The following RBFOX1 variants were observed in gnomAD, a reference collection of about 807,000 sequenced individuals.
The protein encoded by RBFOX1 is RNA binding fox-1 homolog 1.
In RBFOX1, 8 loss-of-function variants were observed where a neutral mutation model predicts 57.7. The observed-to-expected ratio is 0.14, with a 90% CI of 0.08 to 0.25. The LOEUF (loss-of-function observed/expected upper bound fraction) is 0.25. RBFOX1 is among the 10% of genes least tolerant of loss of function. The pLI, the probability that RBFOX1 is intolerant of heterozygous loss-of-function variation, is 1.00. For missense variants in RBFOX1, 611 were observed against 548.5 expected (o/e 1.11, Z -1.14); for synonymous variants, 326 against 222.4 (o/e 1.47, Z -4.15).
chr16:6,228,919 A>T (rs1423494498), intron 1 of RBFOX1, among the ~76,000 whole-genome samples: 1 of 152,020 alleles, frequency 6.6e-6, no homozygotes, highest in Non-Finnish European at 1.5e-5. Flanking sequence ...ATATAATTTT[A>T]TTTGTCAATT....
intron 4 of RBFOX1, among the ~76,000 whole-genome samples, chr16:7,058,872 C>G (rs1218046532): frequency 6.6e-6 from 1 of 152,056 alleles, no homozygotes; most frequent in Non-Finnish European, 1.5e-5. Flanking sequence ...TAAATATTAA[C>G]TTCATAATGT....
At chr16:7,425,980 T>G (rs2098606778) in intron 4 of RBFOX1, among the ~76,000 whole-genome samples, 1 of 152,242 alleles carries the variant, frequency 6.6e-6, no homozygotes, top group Non-Finnish European at 1.5e-5. Flanking sequence ...ATCAATTGTT[T>G]ATACACATTG....
chr16:7,225,806 T>A (rs2093062670), intron 4 of RBFOX1, among the ~76,000 whole-genome samples: 1 of 146,716 alleles, frequency 6.8e-6, no homozygotes, highest in South Asian at 2.3e-4. Flanking sequence ...CTAATGTAAA[T>A]GACGAGTTAA....
intron 2 of RBFOX1, among the ~76,000 whole-genome samples, chr16:6,547,099 C>G (rs1307533143): frequency 1.3e-5 from 2 of 152,244 alleles, no homozygotes; most frequent in African/African-American, 4.8e-5. Context: ...CTGCCCAACT[C>G]TATTGCATTG....
At chr16:6,565,102 G>C (rs1485163182) in intron 2 of RBFOX1, among the ~76,000 whole-genome samples, 4 of 140,166 alleles carry the variant, frequency 2.9e-5, no homozygotes, top group African/African-American at 1.1e-4. Flanking sequence ...CTGCACTCCA[G>C]CCTGGGTGGG....
intron 4 of RBFOX1, among the ~76,000 whole-genome samples, chr16:5,995,167 A>C (rs1246732338): frequency 6.6e-6 from 1 of 152,254 alleles, no homozygotes. Context: ...CTTTCCACAT[A>C]ATTAAATATT....
intron 1 of RBFOX1, among the ~76,000 whole-genome samples, chr16:6,103,764 T>G (rs1384072295): frequency 6.6e-6 from 1 of 152,176 alleles, no homozygotes; most frequent in Non-Finnish European, 1.5e-5. Context: ...GAACCAGTCA[T>G]GTGACCTCCA....
intron 10 of RBFOX1, among the ~76,000 whole-genome samples, chr16:7,609,132 T>C (rs1223052300): frequency 1.3e-5 from 2 of 152,180 alleles, no homozygotes; most frequent in East Asian, 1.9e-4. Context: ...TGCCCATGAA[T>C]GGAGTAGTTA....
chr16:6,060,983 C>T (rs536821815), intron 1 of RBFOX1, among the ~76,000 whole-genome samples: 1 of 152,336 alleles, frequency 6.6e-6, no homozygotes, highest in Non-Finnish European at 1.5e-5. Flanking sequence ...TGATTACAAT[C>T]CATGCATTCA....
intron 3 of RBFOX1, among the ~76,000 whole-genome samples, chr16:6,716,373 G>A (rs1308811470): frequency 1.3e-5 from 2 of 152,072 alleles, no homozygotes; most frequent in Non-Finnish European, 2.9e-5. Context: ...CTGAATATAG[G>A]TATCTAACTG....
rs183087204 is a variant in RBFOX1, at chr16:6,448,608, C to G, written c.-64+131551C>G. Among the ~76,000 whole-genome samples the G allele has an allele frequency of 1.5e-4, 23 of 152,314 alleles. No homozygotes were observed. In the East Asian group the frequency reaches 4.2e-3, roughly 28 times the overall value. On this transcript the variant is annotated intron_variant, in intron 2 of 15. Coordinates refer to ENST00000550418, the MANE Select transcript of RBFOX1 (RefSeq NM_018723.4). ...TGCAGTTGTGACAACCAAAAAATCT[C>G]TAGATGTTTCTTTTTCCCCCTAAAT...
chr16:6,106,380 T>C (rs62014016), intron 1 of RBFOX1, among the ~76,000 whole-genome samples: 108,032 of 150,192 alleles, frequency 0.72, 39,980 homozygotes, highest in African/African-American at 0.9. Flanking sequence ...GCAGGAGAAT[T>C]GCTTGACCCC....
intron 2 of RBFOX1, among the ~76,000 whole-genome samples, chr16:5,494,056 T>G (rs2042920412): frequency 6.6e-6 from 1 of 152,084 alleles, no homozygotes; most frequent in African/African-American, 2.4e-5. Flanking sequence ...GAGCAGGAGG[T>G]GGGGTCCCAT....
chr16:5,839,187 T>G (rs1296066043), intron 3 of RBFOX1, among the ~76,000 whole-genome samples: 2 of 152,200 alleles, frequency 1.3e-5, no homozygotes, highest in Non-Finnish European at 2.9e-5. Flanking sequence ...GAATTTATCC[T>G]TTGCACCAGC....
intron 14 of RBFOX1, among the ~76,000 whole-genome samples, chr16:7,702,003 C>T (rs1463926641): frequency 6.6e-6 from 1 of 152,136 alleles, no homozygotes; most frequent in Non-Finnish European, 1.5e-5. Context: ...TGGTTGGCAC[C>T]TGTTGTCTCT....
At chr16:6,814,374 C>A (rs1382397419) in intron 3 of RBFOX1, among the ~76,000 whole-genome samples, 1 of 152,062 alleles carries the variant, frequency 6.6e-6, no homozygotes, top group Non-Finnish European at 1.5e-5. Context: ...TTCTTTCTGA[C>A]ATTGTTTTCC....
intron 2 of RBFOX1, among the ~76,000 whole-genome samples, chr16:6,651,536 A>T (rs969581716): frequency 6.6e-6 from 1 of 152,134 alleles, no homozygotes; most frequent in Admixed American, 6.5e-5. Context: ...TCCTCTCTTC[A>T]TTATGCCTGA....
intron 3 of RBFOX1, among the ~76,000 whole-genome samples, chr16:5,665,142 G>GGT (rs2049796700): frequency 3.3e-5 from 3 of 92,206 alleles, no homozygotes; most frequent in Admixed American, 1.0e-4. Context: ...GGGGGGGGGC[G>GGT]GTCTTGCTAT....
chr16:5,353,880 C>T (rs969405211), intron 1 of RBFOX1, among the ~76,000 whole-genome samples: 1 of 151,990 alleles, frequency 6.6e-6, no homozygotes, highest in Non-Finnish European at 1.5e-5. Context: ...CCTTTGCTCT[C>T]AGAGGGTCTT....
Sources: gnomAD v4.1 joint callset for allele counts (sites outside exome capture counted in the v4.1 genomes callset) on GRCh38, gnomAD v4.1.1 for gene constraint, MANE v1.5 for transcripts, NCBI Gene and HGNC (gene_info 2026-07-23, HGNC 2026-07-21) for gene names.